Variants in ROR2 observed in about 807,000 individuals in gnomAD.
The protein encoded by ROR2 is ROR family WNT receptor 2.
In ROR2, 33 loss-of-function variants were observed where a neutral mutation model predicts 74.9. That is an observed-to-expected ratio of 0.44 (90% CI 0.33 to 0.59). The LOEUF (loss-of-function observed/expected upper bound fraction) is 0.59, where lower values mean the gene tolerates loss of function less well. ROR2 is among the 20% of genes least tolerant of loss of function. ROR2 has a pLI of 0.02. For missense variants in ROR2, 1,216 were observed against 1,313.8 expected (o/e 0.93, Z 1.15); for synonymous variants, 586 against 558.7 (o/e 1.05, Z -0.69).
chr9:91,739,417 G>A (rs1039861721), intron 4 of ROR2, among the ~76,000 whole-genome samples: 2 of 151,138 alleles, frequency 1.3e-5, no homozygotes, highest in African/African-American at 4.9e-5. Flanking sequence ...TGAAGTGGGA[G>A]GATCACTTGA....
chr9:91,922,212 T>C (rs1831287391), intron 1 of ROR2, among the ~76,000 whole-genome samples: 1 of 151,662 alleles, frequency 6.6e-6, no homozygotes, highest in African/African-American at 2.4e-5. Context: ...GAATACAAAA[T>C]GGTGCAGCCA....
chr9:91,794,029 T>C (rs1256677815), intron 1 of ROR2, among the ~76,000 whole-genome samples: 1 of 152,214 alleles, frequency 6.6e-6, no homozygotes. Context: ...GCCAGGAATT[T>C]ATCTTCCAGG....
At chr9:91,785,065 C>G (rs1468694179) in intron 1 of ROR2, among the ~76,000 whole-genome samples, 1 of 152,146 alleles carries the variant, frequency 6.6e-6, no homozygotes, top group African/African-American at 2.4e-5. Flanking sequence ...TTCACTAGCC[C>G]TACACACATG....
intron 2 of ROR2, among the ~76,000 whole-genome samples, chr9:91,769,894 T>G: frequency 6.6e-6 from 1 of 152,204 alleles, no homozygotes; most frequent in South Asian, 2.1e-4. Context: ...TCAGAGACTC[T>G]GAGCGCCCAG....
At chr9:91,748,536 T>C (rs1231220407) in intron 4 of ROR2, among the ~76,000 whole-genome samples, 1 of 152,116 alleles carries the variant, frequency 6.6e-6, no homozygotes, top group Non-Finnish European at 1.5e-5. Flanking sequence ...GAAAAAATAA[T>C]GAAAAAGTTC....
chr9:91,911,394 AAC>A (rs1379876657), intron 1 of ROR2, among the ~76,000 whole-genome samples: 1 of 152,226 alleles, frequency 6.6e-6, no homozygotes, highest in Non-Finnish European at 1.5e-5. Flanking sequence ...TAGGCATTGC[AAC>A]ACTGTGTATC....
At chr9:91,895,647 C>T (rs150157354) in intron 1 of ROR2, among the ~76,000 whole-genome samples, 2,574 of 152,260 alleles carry the variant, frequency 0.017, 79 homozygotes, top group African/African-American at 0.059. Flanking sequence ...AGTTCAAGAC[C>T]AGCCTGGCCA....
chr9:91,729,959 T>C (rs979628900), intron 7 of ROR2, among the ~76,000 whole-genome samples: 1 of 152,072 alleles, frequency 6.6e-6, no homozygotes, highest in Admixed American at 6.6e-5. Context: ...AATGGTGTTT[T>C]TTGTTTTTTG....
intron 1 of ROR2, among the ~76,000 whole-genome samples, chr9:91,852,923 C>CT (rs1829152544): frequency 6.6e-6 from 1 of 152,240 alleles, no homozygotes. Context: ...CTGGACACGG[C>CT]TGCCCCTCCT....
chr9:91,724,766 G>A lies in ROR2; in HGVS notation c.1728C>T (p.Ser576=), dbSNP rs1406439019. 5.0e-6 allele frequency: 8 copies of A among 1,613,750 alleles called. No individual in the cohort carries two copies. The highest frequency in any genetic ancestry group is 6.8e-6 in the Non-Finnish European group (8 of 1,179,782). Reference sequence around the variant, plus strand: ...ACTTCACCGTGCGGTCATCATCGGTGCTGCCCACGTCCGAGTGCGGCGAGC... The same window carrying A: ...ACTTCACCGTGCGGTCATCATCGGTACTGCCCACGTCCGAGTGCGGCGAGC... ...VMRSPHSDVG[S]TDDDRTVKSA... The change falls in exon 9 of 9, where the codon AGC becomes AGT. Residue 576 remains serine, a synonymous_variant. Coordinates refer to ENST00000375708, the MANE Select transcript of ROR2 (RefSeq NM_004560.4).
chr9:91,754,650 G>A (rs1825689105), intron 4 of ROR2, among the ~76,000 whole-genome samples: 1 of 151,922 alleles, frequency 6.6e-6, no homozygotes, highest in East Asian at 1.9e-4. Flanking sequence ...GCGAGACTCT[G>A]TCTCAAAAAA....
rs1329930022 is a variant in ROR2 at position 91,723,512 on chromosome 9, A to G, written c.*150T>C. 8.1e-6 allele frequency: 10 copies of G among 1,228,946 alleles called. No homozygotes were observed. The highest frequency in any genetic ancestry group is 1.0e-5 in the Non-Finnish European group (9 of 884,926). 76.1% of individuals were successfully genotyped at this position (1,228,946 alleles called of 1,614,324 possible). Reference sequence around the variant, plus strand: ...CTCTCTGTGTCAGAGGACAGAGAGGAGCAGGGCTCCACCTCACCCAGTCTG... The same window carrying G: ...CTCTCTGTGTCAGAGGACAGAGAGGGGCAGGGCTCCACCTCACCCAGTCTG... On this transcript the variant is annotated 3_prime_UTR_variant, in exon 9 of 9. Transcript: ENST00000375708.
chr9:91,891,917 G>A (rs543906525), intron 1 of ROR2, among the ~76,000 whole-genome samples: 33 of 152,152 alleles, frequency 2.2e-4, no homozygotes, highest in Non-Finnish European at 4.1e-4. Context: ...GCGTGGTGGT[G>A]GACACCTGTA....
At chr9:91,850,630 ACT>A (rs1829061345) in intron 1 of ROR2, among the ~76,000 whole-genome samples, 1 of 152,226 alleles carries the variant, frequency 6.6e-6, no homozygotes, top group African/African-American at 2.4e-5. Flanking sequence ...CCCAGGCTAG[ACT>A]TCTGGCCTGC....
At chr9:91,825,372 G>A (rs1828255734) in intron 1 of ROR2, among the ~76,000 whole-genome samples, 1 of 152,204 alleles carries the variant, frequency 6.6e-6, no homozygotes. Context: ...AACTTGTGGG[G>A]CACCCGGTGG....
rs77170388 is a variant in ROR2, at chr9:91,732,581, C to T, written c.937+541G>A. On this transcript the variant is annotated intron_variant, in intron 6 of 8. Transcript: ENST00000375708. ...GATTGTTACAGGTTCTTCTCAGGTG[C>T]CCTCCCAGGCCAGTCCTGCAGCATC... is the stretch of plus-strand genomic sequence containing the variant. Among the ~76,000 whole-genome samples the T allele has an allele frequency of 7.8e-3, 1,193 of 152,298 alleles. 13 individuals are homozygous for T. The highest frequency in any genetic ancestry group is 0.026 in the African/African-American group (1,080 of 41,564).
At chr9:91,946,789 G>C (rs530713700) in intron 1 of ROR2, among the ~76,000 whole-genome samples, 2 of 152,296 alleles carry the variant, frequency 1.3e-5, no homozygotes, top group African/African-American at 2.4e-5. Flanking sequence ...TGGCCTCTCA[G>C]GGAATGCATT....
At chr9:91,813,790 T>C (rs796461653) in intron 1 of ROR2, among the ~76,000 whole-genome samples, 37 of 152,170 alleles carry the variant, frequency 2.4e-4, no homozygotes, top group African/African-American at 8.9e-4. Context: ...CATCCTAAAC[T>C]CTAAGTCCTC....
rs145140365 is a variant in ROR2, at chr9:91,942,012, A to G, written c.97+7855T>C. Among the ~76,000 whole-genome samples the G allele has an allele frequency of 3.7e-3, 565 of 152,162 alleles. 2 individuals carry two copies. The highest frequency in any genetic ancestry group is 6.4e-3 in the Non-Finnish European group (437 of 68,000). On this transcript the variant is annotated intron_variant, in intron 1 of 8. Coordinates refer to ENST00000375708, the MANE Select transcript of ROR2 (RefSeq NM_004560.4). ...CACCATGTTGGCCAGGCTGGTCTTG[A>G]ATTCCTGACCTTGTGATCCGCTGGC... is the stretch of plus-strand genomic sequence containing the variant.
Sources: allele counts gnomAD v4.1 joint callset (sites outside exome capture counted in the v4.1 genomes callset), GRCh38; gene constraint gnomAD v4.1.1; transcripts MANE v1.5; gene names NCBI Gene and HGNC (gene_info 2026-07-23, HGNC 2026-07-21).